Variants in CYTH3 observed in about 807,000 individuals in gnomAD.
CYTH3 encodes cytohesin-3.
Under a neutral mutation model 55.1 loss-of-function variants are expected in CYTH3, and 23 were observed. The observed-to-expected ratio is 0.42, with a 90% CI of 0.30 to 0.59. CYTH3 has a LOEUF of 0.59. Ranked by LOEUF, CYTH3 falls within the 20% of genes least tolerant of loss-of-function variation. The pLI is 0.20. For missense variants in CYTH3, 413 were observed against 524.8 expected (o/e 0.79, Z 2.08); for synonymous variants, 249 against 194.9 (o/e 1.28, Z -2.31).
chr7:6,165,346 C>T lies in CYTH3; in HGVS notation c.1054G>A (p.Glu352Lys). The T allele has an allele frequency of 6.2e-7, 1 of 1,614,186 alleles. No homozygotes were observed. The highest frequency in any genetic ancestry group is 8.5e-7 in the Non-Finnish European group (1 of 1,180,038). Reference sequence around the variant, plus strand: ...ATCCGGTACACCACATGGTTCCCCTCTACCACGCGGCCGTCGGCCTCAGTC... The same window carrying T: ...ATCCGGTACACCACATGGTTCCCCTTTACCACGCGGCCGTCGGCCTCAGTC... ...CKTEADGRVV[E>K]GNHVVYRISA... Residue 352 changes from glutamate to lysine, a missense_variant, in exon 12 of 13, where the codon GAG becomes AAG. Coordinates refer to ENST00000350796, the MANE Select transcript of CYTH3 (RefSeq NM_004227.4).
In CYTH3 at chr7:6,162,264, G is replaced by A. The variant is rs1258125313; in HGVS notation, c.*2680C>T. On this transcript the variant is annotated 3_prime_UTR_variant, in exon 13 of 13. Coordinates refer to ENST00000350796, the MANE Select transcript of CYTH3 (RefSeq NM_004227.4). ...GGTCAGTACAATTAAACTCAAATAT[G>A]AACCAGGGCGGCCAGCAAGACAGGC... is the stretch of plus-strand genomic sequence containing the variant. 6.6e-6 allele frequency: 1 copy of A among 152,268 alleles called. No individual in the cohort carries two copies. Among genetic ancestry groups the A allele is most frequent in the Non-Finnish European group, 1.5e-5 (1 of 68,038 alleles). 9.4% of individuals were successfully genotyped at this position (152,268 alleles called of 1,614,324 possible).
chr7:6,208,319 T>C (rs113447874), intron 1 of CYTH3, among the ~76,000 whole-genome samples: 1 of 152,232 alleles, frequency 6.6e-6, no homozygotes. Context: ...TGGACTCATA[T>C]ATAAACATCC....
chr7:6,193,082 G>C (rs561407919), intron 1 of CYTH3, among the ~76,000 whole-genome samples: 3 of 152,060 alleles, frequency 2.0e-5, no homozygotes, highest in Non-Finnish European at 2.9e-5. Context: ...TGAGGCAGGA[G>C]AATCGCTTGA....
At chr7:6,187,917 T>C (rs1783695472) in intron 2 of CYTH3, among the ~76,000 whole-genome samples, 196 bp from the exon 3 acceptor site, 1 of 152,136 alleles carries the variant, frequency 6.6e-6, no homozygotes, top group Non-Finnish European at 1.5e-5. Context: ...GAACACAAAA[T>C]TCTTTGCTCA....
intron 4 of CYTH3, among the ~76,000 whole-genome samples, chr7:6,178,815 C>T (rs753598011): frequency 6.6e-6 from 1 of 152,218 alleles, no homozygotes; most frequent in African/African-American, 2.4e-5. Flanking sequence ...ATCTCAAAGG[C>T]AATGGGCTGC....
At chr7:6,204,227 C>T (rs1784132971) in intron 1 of CYTH3, among the ~76,000 whole-genome samples, 1 of 152,052 alleles carries the variant, frequency 6.6e-6, no homozygotes, top group African/African-American at 2.4e-5. Flanking sequence ...GATCATGGCA[C>T]CCAACAGGTG....
Position 6,243,790 on chromosome 7 carries a change from A to ATGTC in CYTH3, c.34+28683_34+28684insGACA, listed in dbSNP as rs1272048940. On this transcript the variant is annotated intron_variant, in intron 1 of 12. Transcript: ENST00000350796. ...AATATGACTATGTCTTAAAGTAACT[A>ATGTC]ACACCAGGAGTGTGAGGATAATGGA... Among the ~76,000 whole-genome samples, 4 of 152,206 alleles carry ATGTC rather than the reference A, an allele frequency of 2.6e-5. No homozygotes were observed. In the South Asian group the frequency reaches 8.3e-4, roughly 31 times the overall value.
At chr7:6,208,321 T>C (rs1784244148) in intron 1 of CYTH3, among the ~76,000 whole-genome samples, 1 of 152,210 alleles carries the variant, frequency 6.6e-6, no homozygotes, top group African/African-American at 2.4e-5. Flanking sequence ...GACTCATATA[T>C]AAACATCCTC....
At chr7:6,213,617 C>G (rs560042027) in intron 1 of CYTH3, among the ~76,000 whole-genome samples, 1 of 152,008 alleles carries the variant, frequency 6.6e-6, no homozygotes, top group South Asian at 2.1e-4. Context: ...TGGCCTTCAA[C>G]CCCCAGGGGC....
At chr7:6,203,275 A>T (rs1210932993) in intron 1 of CYTH3, among the ~76,000 whole-genome samples, 2 of 152,220 alleles carry the variant, frequency 1.3e-5, no homozygotes, top group Admixed American at 1.3e-4. Flanking sequence ...CACTGATTAT[A>T]AGATGTGCTT....
At chr7:6,218,445 A>AT (rs1784472555) in intron 1 of CYTH3, among the ~76,000 whole-genome samples, 1 of 152,198 alleles carries the variant, frequency 6.6e-6, no homozygotes. Context: ...GGACACCTTC[A>AT]TTTTGGCCCA....
chr7:6,172,514 CA>C (rs1783228538), intron 6 of CYTH3, among the ~76,000 whole-genome samples: 1 of 152,222 alleles, frequency 6.6e-6, no homozygotes, highest in Non-Finnish European at 1.5e-5. Flanking sequence ...CCCCTCAGGA[CA>C]AAAGCTAACA....
chr7:6,258,090 G>A (rs1456643417), intron 1 of CYTH3, among the ~76,000 whole-genome samples: 3 of 152,130 alleles, frequency 2.0e-5, no homozygotes, highest in Non-Finnish European at 4.4e-5. Context: ...CCTGAGCAAC[G>A]TAGCAAGATC....
At chr7:6,203,180 A>C (rs1452902157) in intron 1 of CYTH3, among the ~76,000 whole-genome samples, 2 of 152,144 alleles carry the variant, frequency 1.3e-5, no homozygotes, top group African/African-American at 2.4e-5. Flanking sequence ...GTAAAAATAA[A>C]ATTTTTCCCA....
chr7:6,206,827 T>A (rs1583786118), intron 1 of CYTH3, among the ~76,000 whole-genome samples: 1 of 152,250 alleles, frequency 6.6e-6, no homozygotes, highest in South Asian at 2.1e-4. Context: ...CTACCTTATA[T>A]CCTGTGGCTC....
intron 1 of CYTH3, among the ~76,000 whole-genome samples, chr7:6,237,026 G>C (rs1007200543): frequency 6.6e-6 from 1 of 152,186 alleles, no homozygotes; most frequent in African/African-American, 2.4e-5. Flanking sequence ...TTTTCACAAC[G>C]GCTCACAGAA....
intron 1 of CYTH3, among the ~76,000 whole-genome samples, chr7:6,226,445 G>T (rs1362662585): frequency 6.6e-6 from 1 of 152,150 alleles, no homozygotes; most frequent in Non-Finnish European, 1.5e-5. Context: ...TGGGGAGGTG[G>T]GAGAGTGCTA....
chr7:6,261,737 C>T (rs1294530168), intron 1 of CYTH3, among the ~76,000 whole-genome samples: 3 of 142,524 alleles, frequency 2.1e-5, no homozygotes, highest in African/African-American at 7.7e-5. Flanking sequence ...TATTCCCTTA[C>T]TTTAACTGCC....
intron 1 of CYTH3, among the ~76,000 whole-genome samples, chr7:6,269,891 T>C (rs893458094): frequency 1.3e-5 from 2 of 152,252 alleles, no homozygotes; most frequent in African/African-American, 4.8e-5. Flanking sequence ...CCTTTTCAAT[T>C]ATCTTTGGCT....
Sources: allele counts gnomAD v4.1 joint callset (sites outside exome capture counted in the v4.1 genomes callset), GRCh38; gene constraint gnomAD v4.1.1; transcripts MANE v1.5; gene names NCBI Gene and HGNC (gene_info 2026-07-23, HGNC 2026-07-21).